DACH2: variants seen among roughly 807,000 people sequenced by gnomAD.
DACH2 encodes dachshund homolog 2.
DACH2 carries 17 observed loss-of-function variants against 35.8 expected under a neutral mutation model. That is an observed-to-expected ratio of 0.48 (90% confidence interval 0.33 to 0.71). DACH2 has a LOEUF of 0.71. DACH2 is among the 30% of genes least tolerant of loss of function. The pLI, the probability that DACH2 is intolerant of heterozygous loss-of-function variation, is 0.02. For missense variants in DACH2, 469 were observed against 472.7 expected (o/e 0.99, Z 0.07); for synonymous variants, 195 against 177.3 (o/e 1.10, Z -0.79).
chrX:86,201,234 G>T (rs184689700), intron 1 of DACH2, among the ~76,000 whole-genome samples: 16 of 98,435 alleles, frequency 1.6e-4, no homozygotes, highest in African/African-American at 5.9e-4. Flanking sequence ...GGAGCTAAAT[G>T]ATAAGAGCTT....
intron 1 of DACH2, among the ~76,000 whole-genome samples, chrX:86,195,540 G>A (rs900513531): frequency 3.6e-5 from 4 of 111,617 alleles, no homozygotes; most frequent in South Asian, 3.8e-4. Flanking sequence ...ATGTCTGCAC[G>A]GAGCAGGCAT....
At chrX:86,429,206 T>A (rs183018067) in intron 2 of DACH2, among the ~76,000 whole-genome samples, 2 of 110,636 alleles carry the variant, frequency 1.8e-5, no homozygotes, top group African/African-American at 3.3e-5. Flanking sequence ...ACATTTATAT[T>A]CTTTTCTGAG....
At chrX:86,637,010 CAA>C (rs376375907) in intron 3 of DACH2, among the ~76,000 whole-genome samples, 1 of 29,480 alleles carries the variant, frequency 3.4e-5, no homozygotes. Context: ...AACAAATTTA[CAA>C]AAAAAAAAAA....
intron 2 of DACH2, among the ~76,000 whole-genome samples, chrX:86,395,974 C>T (rs1248754084): frequency 9.0e-6 from 1 of 111,723 alleles, no homozygotes; most frequent in Non-Finnish European, 1.9e-5. Context: ...CCGACTTCCA[C>T]AATGGTTGAA....
At chrX:86,749,235 C>T (rs1256593391) in intron 7 of DACH2, among the ~76,000 whole-genome samples, 1 of 112,052 alleles carries the variant, frequency 8.9e-6, no homozygotes, top group Non-Finnish European at 1.9e-5. Context: ...TAATGTCCTT[C>T]AAGAACTTTT....
At chrX:86,598,483 A>G (rs1456306809) in intron 3 of DACH2, among the ~76,000 whole-genome samples, 2 of 111,625 alleles carry the variant, frequency 1.8e-5, no homozygotes, top group Non-Finnish European at 3.8e-5. Context: ...GCATTGGAAC[A>G]TAAATGCTGC....
intron 1 of DACH2, among the ~76,000 whole-genome samples, chrX:86,325,014 A>C (rs1270880426): frequency 1.8e-5 from 2 of 111,243 alleles, no homozygotes; most frequent in African/African-American, 6.5e-5. Flanking sequence ...AGATACATAC[A>C]TGGTTTTTTA....
chrX:86,333,121 A>T (rs761240775), intron 1 of DACH2, among the ~76,000 whole-genome samples: 7 of 112,028 alleles, frequency 6.2e-5, no homozygotes, highest in Non-Finnish European at 1.9e-5. Flanking sequence ...GTATGATTTA[A>T]TGCTGCTGGA....
chrX:86,729,763 G>A (rs1273661268), intron 6 of DACH2, among the ~76,000 whole-genome samples: 2 of 110,612 alleles, frequency 1.8e-5, no homozygotes, highest in African/African-American at 3.3e-5. Flanking sequence ...AAAATGTGTT[G>A]CACCTACCTC....
At chrX:86,228,201 G>A (rs1446573000) in intron 1 of DACH2, among the ~76,000 whole-genome samples, 1 of 109,932 alleles carries the variant, frequency 9.1e-6, no homozygotes, top group Non-Finnish European at 1.9e-5. Context: ...CCATATATCA[G>A]TGAGAACATA....
chrX:86,715,581 A>G (rs2041326761), intron 6 of DACH2, among the ~76,000 whole-genome samples: 1 of 111,637 alleles, frequency 9.0e-6, no homozygotes, highest in African/African-American at 3.3e-5. Context: ...CTTACTCAAC[A>G]AATATTATAC....
At position 86,148,768 on chromosome X, in the gene DACH2, A is replaced by T. The variant is rs2030251046; in HGVS notation, c.148A>T (p.Asn50Tyr). The T allele has an allele frequency of 8.3e-7, 1 of 1,211,113 alleles. No individual in the cohort carries two copies. The highest frequency in any genetic ancestry group is 1.8e-5 in the South Asian group (1 of 56,914). Residue 50 changes from asparagine (N) to tyrosine (Y), a missense_variant, in exon 1 of 12, where the codon AAC (asparagine) becomes TAC (tyrosine). Asn to Tyr is a moderately radical substitution (Grantham distance 143). Around this residue, in one of 3 missense-constraint regions of DACH2, gnomAD observed 99 missense variants for 114.3 expected, o/e 0.87. Transcript: ENST00000373125. ...TATGATCAATAGTTTCGTGGTTAAT[A>T]ACCACAGCAACAGTGCCGGAGGCGG... Reference protein sequence around the residue: ...PNMINSFVVNNHSNSAGGGGR... With the variant: ...PNMINSFVVNYHSNSAGGGGR...
intron 2 of DACH2, among the ~76,000 whole-genome samples, chrX:86,409,471 C>T (rs1033646247): frequency 1.7e-4 from 19 of 111,003 alleles, no homozygotes; most frequent in African/African-American, 6.2e-4. Context: ...AGCACCATTC[C>T]TTGGTGCTGT....
At position 86,509,225 on chromosome X, in the gene DACH2, G is replaced by A. The variant is rs751314243; in HGVS notation, c.528-5054G>A. ...TAGAAAATGCTAATAGAATCTAAATGATCTTCTCTCTGGTGTGTTTTTAAT... is the reference window on the plus strand; with the variant it reads ...TAGAAAATGCTAATAGAATCTAAATAATCTTCTCTCTGGTGTGTTTTTAAT... On this transcript the variant is annotated intron_variant, in intron 2 of 11. Transcript: ENST00000373125. 5.4e-5 allele frequency among the ~76,000 whole-genome samples: 6 copies of A among 111,338 alleles called. No individual in the cohort carries two copies. The East Asian group carries it at 1.7e-3, about 32-fold the overall frequency.
At chrX:86,281,280 C>T (rs766595298) in intron 1 of DACH2, among the ~76,000 whole-genome samples, 27 of 111,287 alleles carry the variant, frequency 2.4e-4, no homozygotes, top group South Asian at 1.9e-3. Flanking sequence ...AATCCAGCAG[C>T]GCATTAAAAA....
intron 2 of DACH2, among the ~76,000 whole-genome samples, chrX:86,444,236 C>T (rs991283231): frequency 9.0e-6 from 1 of 111,388 alleles, no homozygotes; most frequent in South Asian, 3.7e-4. Flanking sequence ...CAGGCACACA[C>T]CACGATAACT....
At chrX:86,488,622 A>G (rs1415847857) in intron 2 of DACH2, among the ~76,000 whole-genome samples, 2 of 111,324 alleles carry the variant, frequency 1.8e-5, no homozygotes, top group Middle Eastern at 4.7e-3. Context: ...TATTCTTACC[A>G]CAGGAAATAT....
intron 1 of DACH2, among the ~76,000 whole-genome samples, chrX:86,319,704 GT>G (rs1479949344): frequency 2.7e-5 from 3 of 112,006 alleles, no homozygotes; most frequent in Admixed American, 1.9e-4. Flanking sequence ...TCCTAACACT[GT>G]TTTTATTTTT....
chrX:86,662,592 CA>C (rs986356873), intron 4 of DACH2, among the ~76,000 whole-genome samples: 15 of 87,041 alleles, frequency 1.7e-4, no homozygotes, highest in Non-Finnish European at 2.1e-4. Flanking sequence ...GACTCCGTCT[CA>C]AAAAAAAAAA....
Sources: gnomAD v4.1 joint callset for allele counts (sites outside exome capture counted in the v4.1 genomes callset) on GRCh38, gnomAD v4.1.1 for gene constraint, gnomAD v4.1.1 regional missense constraint, MANE v1.5 for transcripts, NCBI Gene and HGNC (gene_info 2026-07-23, HGNC 2026-07-21) for gene names.